THSD7B: variants seen among roughly 807,000 people sequenced by gnomAD.
THSD7B encodes the protein thrombospondin type-1 domain-containing protein 7B.
In THSD7B, 138 loss-of-function variants were observed where a neutral mutation model predicts 213.6. That is an observed-to-expected ratio of 0.65 (90% CI 0.56 to 0.74). The LOEUF is 0.74. Ranked by LOEUF, THSD7B falls within the 30% of genes least tolerant of loss-of-function variation. The pLI is 0.00. For missense variants in THSD7B, 1,931 were observed against 1,991.5 expected, an observed-to-expected ratio of 0.97 and a Z score of 0.58; for synonymous variants, 742 against 687.0, an observed-to-expected ratio of 1.08 and a Z score of -1.25.
At chr2:136,992,458 T>A (rs1465531498) in intron 2 of THSD7B, among the ~76,000 whole-genome samples, 1 of 152,178 alleles carries the variant, frequency 6.6e-6, no homozygotes, top group East Asian at 1.9e-4. Context: ...AGACCACACT[T>A]GAGTACAAGG....
chr2:137,259,680 T>C (rs1682395217), intron 10 of THSD7B, among the ~76,000 whole-genome samples: 1 of 152,156 alleles, frequency 6.6e-6, no homozygotes, highest in African/African-American at 2.4e-5. Flanking sequence ...CACAGTATTT[T>C]TTGCACGGTA....
chr2:136,766,255 G>C (rs1047686822), intron 1 of THSD7B, among the ~76,000 whole-genome samples: 3 of 152,176 alleles, frequency 2.0e-5, no homozygotes, highest in African/African-American at 4.8e-5. Context: ...AAGTTTTGCA[G>C]CTTCCTCTGA....
At chr2:136,937,601 G>T (rs1684757141) in intron 2 of THSD7B, among the ~76,000 whole-genome samples, 1 of 152,044 alleles carries the variant, frequency 6.6e-6, no homozygotes, top group South Asian at 2.1e-4. Context: ...GTATTTAATG[G>T]TGCCTTGTAT....
chr2:136,844,260 A>G (rs1162245027), intron 1 of THSD7B, among the ~76,000 whole-genome samples: 2 of 152,158 alleles, frequency 1.3e-5, no homozygotes, highest in African/African-American at 2.4e-5. Context: ...TGTGGTAACT[A>G]TGAGGCAACA....
intron 24 of THSD7B, 21 bp from the exon 25 acceptor site, chr2:137,659,643 A>C (rs1338362803): frequency 6.3e-7 from 1 of 1,576,986 alleles, no homozygotes; most frequent in Non-Finnish European, 8.6e-7. Flanking sequence ...TCTGCAAATG[A>C]TGGTGGAATT....
chr2:136,836,327 C>A (rs1197855609), intron 1 of THSD7B, among the ~76,000 whole-genome samples: 1 of 152,120 alleles, frequency 6.6e-6, no homozygotes, highest in Non-Finnish European at 1.5e-5. Context: ...TCAGATGGTC[C>A]ATACTCAGCT....
intron 5 of THSD7B, among the ~76,000 whole-genome samples, chr2:137,136,596 A>C (rs1340665693): frequency 6.6e-6 from 1 of 152,168 alleles, no homozygotes. Flanking sequence ...AGTTAAGCAG[A>C]TGTGTATGTT....
chr2:136,890,667 G>A (rs1683835734), intron 2 of THSD7B, among the ~76,000 whole-genome samples: 1 of 149,856 alleles, frequency 6.7e-6, no homozygotes, highest in African/African-American at 2.5e-5. Flanking sequence ...AGCCTCCTGA[G>A]TAGCTGGGAT....
At chr2:136,812,091 T>A (rs1382636138) in intron 1 of THSD7B, among the ~76,000 whole-genome samples, 1 of 152,246 alleles carries the variant, frequency 6.6e-6, no homozygotes, top group Non-Finnish European at 1.5e-5. Flanking sequence ...TTTCTCAAAC[T>A]TCTTAGGATC....
At chr2:137,546,401 ATATT>A (rs1680719021) in intron 15 of THSD7B, among the ~76,000 whole-genome samples, 24 of 43,242 alleles carry the variant, frequency 5.6e-4, no homozygotes, top group African/African-American at 5.8e-4. Flanking sequence ...TATATTATAT[ATATT>A]ATATATATAT....
intron 14 of THSD7B, among the ~76,000 whole-genome samples, chr2:137,418,332 T>G (rs7568238): frequency 0.23 from 34,335 of 152,124 alleles, 4,035 homozygotes; most frequent in South Asian, 0.27. Flanking sequence ...CAAATCTGAT[T>G]ATCACTCCCG....
At chr2:137,583,460 T>C (rs1029919095) in intron 17 of THSD7B, among the ~76,000 whole-genome samples, 1 of 152,250 alleles carries the variant, frequency 6.6e-6, no homozygotes, top group African/African-American at 2.4e-5. Flanking sequence ...TCTAGGGTTT[T>C]TATGGTTTTA....
At chr2:137,514,479 C>T (rs1573677495) in intron 15 of THSD7B, among the ~76,000 whole-genome samples, 1 of 152,176 alleles carries the variant, frequency 6.6e-6, no homozygotes. Flanking sequence ...TTACAGATGG[C>T]CTATTGCGGG....
At chr2:137,657,250 A>G in intron 24 of THSD7B, 90 bp downstream of exon 24, 8 of 1,252,664 alleles carry the variant, frequency 6.4e-6, no homozygotes, top group Non-Finnish European at 8.9e-6. Flanking sequence ...ATTATAAACA[A>G]GGGGTGACTT....
intron 12 of THSD7B, among the ~76,000 whole-genome samples, chr2:137,399,822 A>G (rs999218559): frequency 6.6e-6 from 1 of 152,132 alleles, no homozygotes; most frequent in Non-Finnish European, 1.5e-5. Context: ...TCCCTCAGAA[A>G]TACTGATAAT....
At chr2:136,829,273 A>G (rs962639663) in intron 1 of THSD7B, among the ~76,000 whole-genome samples, 4 of 151,936 alleles carry the variant, frequency 2.6e-5, no homozygotes, top group African/African-American at 9.7e-5. Context: ...CTTTGTTCCT[A>G]TATATGTGGA....
chr2:137,152,713 G>A (rs1679842255), intron 5 of THSD7B, among the ~76,000 whole-genome samples: 1 of 152,148 alleles, frequency 6.6e-6, no homozygotes, highest in Admixed American at 6.6e-5. Flanking sequence ...TTTAACTGTT[G>A]TCATAGTTTC....
At position 137,450,915 on chromosome 2, in the gene THSD7B, G is replaced by C. The variant is rs773491488; in HGVS notation, c.3030G>C (p.Gly1010=). 1.9e-6 allele frequency: 3 copies of C among 1,613,504 alleles called. No individual in the cohort carries two copies. Among genetic ancestry groups the C allele is most frequent in the East Asian group, 2.2e-5 (1 of 44,838 alleles). Residue 1010 remains glycine, a synonymous_variant, in exon 15 of 28, where the codon GGG becomes GGC. Transcript: ENST00000409968. ...AGTTAAGCGATTGGTCTAGTTGGGG[G>C]TCTTGCAGTTCATCTTGTGGAATTG... is the stretch of plus-strand genomic sequence containing the variant. ...DCKLSDWSSW[G]SCSSSCGIGV... is the part of the protein sequence containing the mutation.
intron 14 of THSD7B, among the ~76,000 whole-genome samples, chr2:137,416,372 G>A (rs939839078): frequency 2.0e-5 from 3 of 152,186 alleles, no homozygotes; most frequent in African/African-American, 7.2e-5. Context: ...CTCCTGTCAT[G>A]GGACTCTTCA....
Sources: gnomAD v4.1 joint callset for allele counts (sites outside exome capture counted in the v4.1 genomes callset) on GRCh38, gnomAD v4.1.1 for gene constraint, MANE v1.5 for transcripts, NCBI Gene and HGNC (gene_info 2026-07-23, HGNC 2026-07-21) for gene names.